CACNA2D1: variants seen among roughly 807,000 people sequenced by gnomAD.
The protein encoded by CACNA2D1 is voltage-dependent calcium channel subunit alpha-2/delta-1.
CACNA2D1 carries 53 observed loss-of-function variants against 171.5 expected under a neutral mutation model. The observed-to-expected ratio is 0.31, with a 90% CI of 0.25 to 0.39. The LOEUF (loss-of-function observed/expected upper bound fraction) is 0.39, where lower values mean the gene tolerates loss of function less well. CACNA2D1 is among the 10% of genes least tolerant of loss of function. The probability of loss-of-function intolerance (pLI) is 1.00; values close to 1 mark genes in which losing one functional copy is unlikely to be tolerated. For missense variants in CACNA2D1, 903 were observed against 1,299.8 expected, an observed-to-expected ratio of 0.69 and a Z score of 4.69; for synonymous variants, 442 against 443.1, an observed-to-expected ratio of 1.00 and a Z score of 0.03.
In CACNA2D1 at chr7:82,349,570, C is replaced by T; in HGVS notation, c.175G>A (p.Asp59Asn). 1 of 1,612,572 alleles carries T rather than the reference C, an allele frequency of 6.2e-7. No individual in the cohort carries two copies. The highest frequency in any genetic ancestry group is 1.1e-5 in the South Asian group (1 of 91,042). Residue 59 changes from aspartate (D) to asparagine (N), a missense_variant and splice_region_variant, in exon 2 of 39, where the codon GAT (aspartate) becomes AAT (asparagine). Transcript: ENST00000356860. ...TCTCTTTGGTGGATTTTACTCACAT[C>T]AACAAGCTGATTGACTCCACTTGCT... Reference protein sequence around the residue: ...KTASGVNQLVDIYEKYQDLYT... With the variant: ...KTASGVNQLVNIYEKYQDLYT...
At chr7:82,270,633 C>T (rs1443444559) in intron 3 of CACNA2D1, among the ~76,000 whole-genome samples, 1 of 151,990 alleles carries the variant, frequency 6.6e-6, no homozygotes, top group Non-Finnish European at 1.5e-5. Context: ...AAGAATTTTC[C>T]AAAGTGGTTT....
intron 1 of CACNA2D1, among the ~76,000 whole-genome samples, chr7:82,379,989 T>C (rs977595698): frequency 3.9e-5 from 6 of 152,178 alleles, no homozygotes; most frequent in African/African-American, 9.6e-5. Context: ...TCCCTAAGTA[T>C]GAAAAGTAAA....
At chr7:82,343,686 C>A (rs894862276) in intron 2 of CACNA2D1, among the ~76,000 whole-genome samples, 1 of 152,072 alleles carries the variant, frequency 6.6e-6, no homozygotes, top group South Asian at 2.1e-4. Flanking sequence ...AATTTATTAA[C>A]CTAGCCTCTC....
At chr7:82,375,502 C>G (rs990475471) in intron 1 of CACNA2D1, among the ~76,000 whole-genome samples, 2 of 152,162 alleles carry the variant, frequency 1.3e-5, no homozygotes, top group Non-Finnish European at 2.9e-5. Context: ...TCTTCTCATA[C>G]AAAATGTTCC....
At position 82,146,983 on chromosome 7, in the gene CACNA2D1, CAAAAAAAAAAAAAA is replaced by C. The variant is rs764990586; in HGVS notation, c.355-10321_355-10308del. 2.3e-3 allele frequency among the ~76,000 whole-genome samples: 58 copies of C among 25,494 alleles called. 1 individual carries two copies. The highest frequency in any genetic ancestry group is 8.2e-3 in the African/African-American group (40 of 4,852). The allele number at this position is 25,494 out of a possible 152,430, so 16.7% of individuals were successfully genotyped here. ...CTGGGTGATAGCAAGACTCCCATCTCAAAAAAAAAAAAAAAAAAAAAAAAAAAAAAAAAGCAGCT... is the reference window on the plus strand; with the variant it reads ...CTGGGTGATAGCAAGACTCCCATCTCAAAAAAAAAAAAAAAAAAAGCAGCT... On this transcript the variant is annotated intron_variant, in intron 4 of 38. Transcript: ENST00000356860.
At chr7:81,979,572 C>A (rs961224334) in intron 24 of CACNA2D1, among the ~76,000 whole-genome samples, 1 of 152,124 alleles carries the variant, frequency 6.6e-6, no homozygotes, top group Non-Finnish European at 1.5e-5. Context: ...GAGAGTCTTG[C>A]CAACATAGCA....
At chr7:82,265,119 G>T (rs988760965) in intron 3 of CACNA2D1, among the ~76,000 whole-genome samples, 2 of 152,262 alleles carry the variant, frequency 1.3e-5, no homozygotes, top group Non-Finnish European at 2.9e-5. Context: ...TAGGAAAATC[G>T]AACTGCATCT....
chr7:82,209,797 G>A (rs571751691), intron 3 of CACNA2D1, among the ~76,000 whole-genome samples: 12 of 151,994 alleles, frequency 7.9e-5, no homozygotes, highest in Non-Finnish European at 1.5e-4. Flanking sequence ...ACATTTTTGC[G>A]CTGTGTGAAT....
At chr7:82,009,457 T>A (rs1799493848) in intron 15 of CACNA2D1, among the ~76,000 whole-genome samples, 1 of 152,060 alleles carries the variant, frequency 6.6e-6, no homozygotes, top group African/African-American at 2.4e-5. Flanking sequence ...CTCAATAAAG[T>A]CAGGCTATAG....
In CACNA2D1 at chr7:82,066,518, G is replaced by T; in HGVS notation, c.665C>A (p.Pro222Gln). ...TGGAGTTCTACTATTATCAACCCAT[G>T]GTGAAGCTAAAAAAAAAAAAAAAAG... ...TGLARYYPAS[P>Q]WVDNSRTPNK... The change falls in exon 8 of 39, where the codon CCA (proline) becomes CAA (glutamine). Residue 222 changes from proline to glutamine, a missense_variant. Physicochemically the swap from Pro to Gln is moderately conservative, Grantham distance 76. Around this residue, in one of 5 missense-constraint regions of CACNA2D1, gnomAD observed 189 missense variants for 266.8 expected, o/e 0.71. Transcript: ENST00000356860. The T allele has an allele frequency of 5.1e-6, 8 of 1,577,840 alleles. No homozygotes were observed. The highest frequency in any genetic ancestry group is 6.8e-6 in the Non-Finnish European group (8 of 1,168,602).
At chr7:82,281,459 A>AT (rs1032246308) in intron 3 of CACNA2D1, among the ~76,000 whole-genome samples, 1 of 152,130 alleles carries the variant, frequency 6.6e-6, no homozygotes, top group Non-Finnish European at 1.5e-5. Flanking sequence ...TGGACATATA[A>AT]TTTTTTCACC....
At chr7:82,185,538 GGAA>G (rs1464356405) in intron 3 of CACNA2D1, among the ~76,000 whole-genome samples, 2 of 42,180 alleles carry the variant, frequency 4.7e-5, no homozygotes, top group Non-Finnish European at 4.5e-5. Flanking sequence ...AGGAGGGGGA[GGAA>G]GGGGAGGGGG....
At position 82,221,286 on chromosome 7, in the gene CACNA2D1, T is replaced by G. The variant is rs75635354; in HGVS notation, c.295-50677A>C. On this transcript the variant is annotated intron_variant, in intron 3 of 38. Coordinates refer to ENST00000356860, the MANE Select transcript of CACNA2D1 (RefSeq NM_000722.4). ...GTCCTTGGACCACACTTTTGCGAACTGTGTTACAGTGTTTTAATAGAGAAA... is the reference window on the plus strand; with the variant it reads ...GTCCTTGGACCACACTTTTGCGAACGGTGTTACAGTGTTTTAATAGAGAAA... Among the ~76,000 whole-genome samples, 915 of 152,324 alleles carry G rather than the reference T, an allele frequency of 6.0e-3. 12 individuals are homozygous for G. Among genetic ancestry groups the G allele is most frequent in the African/African-American group, 0.021 (875 of 41,564 alleles).
chr7:82,183,121 A>C (rs76693344), intron 3 of CACNA2D1, among the ~76,000 whole-genome samples: 6,812 of 152,206 alleles, frequency 0.045, 216 homozygotes, highest in Non-Finnish European at 0.069. Flanking sequence ...AAACTAACTT[A>C]AAAGGTTTAT....
intron 1 of CACNA2D1, among the ~76,000 whole-genome samples, chr7:82,439,301 T>C (rs969833207): frequency 6.6e-6 from 1 of 152,016 alleles, no homozygotes; most frequent in Non-Finnish European, 1.5e-5. Context: ...AATTTCCATA[T>C]GTTATGTTTT....
rs143320917 is a variant in CACNA2D1 at position 82,294,555 on chromosome 7, T to C, written c.294+40580A>G. Among the ~76,000 whole-genome samples the C allele has an allele frequency of 7.5e-4, 114 of 152,258 alleles. 2 individuals are homozygous for C. In the East Asian group the frequency reaches 0.014, roughly 18 times the overall value. On this transcript the variant is annotated intron_variant, in intron 3 of 38. Transcript: ENST00000356860. The stretch of plus-strand genomic sequence containing the variant: ...AATAAATTTCACAATAAAAAGCAGA[T>C]TGACTAATGGTTAATGATAAGTCAT...
chr7:82,271,781 C>T (rs935851467), intron 3 of CACNA2D1, among the ~76,000 whole-genome samples: 8 of 152,006 alleles, frequency 5.3e-5, no homozygotes, highest in African/African-American at 1.9e-4. Context: ...CAATGGAAAA[C>T]TCTAATAATC....
chr7:82,277,745 CTTTTA>C (rs1809541081), intron 3 of CACNA2D1, among the ~76,000 whole-genome samples: 1 of 142,094 alleles, frequency 7.0e-6, no homozygotes, highest in African/African-American at 2.6e-5. Context: ...TAATTTTTTA[CTTTTA>C]TTTTTTTTTT....
At chr7:82,011,823 T>C (rs928782093) in intron 15 of CACNA2D1, among the ~76,000 whole-genome samples, 1 of 152,158 alleles carries the variant, frequency 6.6e-6, no homozygotes, top group African/African-American at 2.4e-5. Context: ...TAGATTCTAA[T>C]TCACAAAGAC....
Sources: gnomAD v4.1 joint callset for allele counts (sites outside exome capture counted in the v4.1 genomes callset) on GRCh38, gnomAD v4.1.1 for gene constraint, gnomAD v4.1.1 regional missense constraint, MANE v1.5 for transcripts, NCBI Gene and HGNC (gene_info 2026-07-23, HGNC 2026-07-21) for gene names.